DESI2: variants seen among roughly 807,000 people sequenced by gnomAD.
The protein encoded by DESI2 is deubiquitinase DESI2.
Under a neutral mutation model 24.1 loss-of-function variants are expected in DESI2, and 10 were observed. The ratio of observed to expected loss-of-function variants is 0.41; its 90% CI spans 0.26 to 0.70. The LOEUF is 0.70. Among genes scored for constraint, DESI2 ranks in the 30% least tolerant of loss-of-function variants. DESI2 has a pLI of 0.29. For synonymous variants in DESI2, 71 were observed against 87.7 expected, an observed-to-expected ratio of 0.81 and a Z score of 1.06; for missense variants, 122 against 234.9, an observed-to-expected ratio of 0.52 and a Z score of 3.14.
intron 2 of DESI2, 108 bp downstream of exon 2, chr1:244,686,777 T>C (rs1038290770): frequency 3.3e-5 from 21 of 640,324 alleles, no homozygotes; most frequent in African/African-American, 3.2e-4. Context: ...GCATATGTTA[T>C]TACAGAAAGT....
rs1573213226 is a variant in DESI2, at chr1:244,686,558, G to C, written c.43-39G>C. ...TGTAGCGCGGAGTTGGGTTGTAAAT[G>C]AACAGGTATTCTGAATCTTTTCTTT... On this transcript the variant is annotated intron_variant, in intron 1 of 4. Transcript: ENST00000302550. The C allele has an allele frequency of 5.2e-6, 7 of 1,351,134 alleles. No homozygotes were observed. The East Asian group carries it at 1.6e-4, about 31-fold the overall frequency. 83.7% of individuals were successfully genotyped at this position (1,351,134 alleles called of 1,614,324 possible). A position where few individuals can be genotyped will look rare whatever the true frequency, so the allele number is the denominator to read the frequency against.
chr1:244,685,711 AATTAAAG>A (rs1676794244), intron 1 of DESI2, among the ~76,000 whole-genome samples: 2 of 152,206 alleles, frequency 1.3e-5, no homozygotes, highest in Non-Finnish European at 2.9e-5. Flanking sequence ...AACCTAGAAC[AATTAAAG>A]ATAAATTATC....
chr1:244,683,436 T>C (rs982263719), intron 1 of DESI2, among the ~76,000 whole-genome samples: 13 of 151,896 alleles, frequency 8.6e-5, no homozygotes, highest in South Asian at 4.2e-4. Flanking sequence ...CTCAGCCTCC[T>C]GAGTAGCTGG....
intron 4 of DESI2, among the ~76,000 whole-genome samples, chr1:244,694,085 C>A (rs1677123440): frequency 6.6e-6 from 1 of 152,166 alleles, no homozygotes; most frequent in South Asian, 2.1e-4. Flanking sequence ...AAAATCATCA[C>A]TATATTAATA....
chr1:244,681,570 C>T (rs113055388), intron 1 of DESI2, among the ~76,000 whole-genome samples: 3 of 152,278 alleles, frequency 2.0e-5, no homozygotes, highest in South Asian at 2.1e-4. Flanking sequence ...TCATAAGGAA[C>T]GCACAACCTA....
intron 1 of DESI2, among the ~76,000 whole-genome samples, chr1:244,680,331 C>T (rs1676564466): frequency 6.6e-6 from 1 of 151,782 alleles, no homozygotes; most frequent in Admixed American, 6.6e-5. Context: ...CCCAGCTACT[C>T]AGGAAACTGA....
chr1:244,669,297 A>G (rs1676156138), intron 1 of DESI2, among the ~76,000 whole-genome samples: 1 of 151,846 alleles, frequency 6.6e-6, no homozygotes, highest in African/African-American at 2.4e-5. Flanking sequence ...GTGCCTGGCC[A>G]GAAAACCTGT....
In DESI2 at chr1:244,708,190, T is replaced by G. The variant is rs765422344; in HGVS notation, c.*2401T>G. 1 of 152,340 alleles carries G rather than the reference T, an allele frequency of 6.6e-6. No individual in the cohort carries two copies. The highest frequency in any genetic ancestry group is 2.4e-5 in the African/African-American group (1 of 41,456). 9.4% of individuals were successfully genotyped at this position (152,340 alleles called of 1,614,324 possible). On this transcript the variant is annotated 3_prime_UTR_variant, in exon 5 of 5. Transcript: ENST00000302550. ...AACAATCTGGTCATTAACATACATA[T>G]GATACGGAGTCTCTTTGTTGTCACC...
At chr1:244,703,642 T>C (rs1677568062) in intron 4 of DESI2, among the ~76,000 whole-genome samples, 1 of 148,482 alleles carries the variant, frequency 6.7e-6, no homozygotes, top group African/African-American at 2.5e-5. Flanking sequence ...TGAGCCACCA[T>C]GCCTGGCCTC....
intron 4 of DESI2, among the ~76,000 whole-genome samples, chr1:244,700,670 G>T (rs1677414818): frequency 6.6e-6 from 1 of 152,142 alleles, no homozygotes; most frequent in South Asian, 2.1e-4. Flanking sequence ...TCATAGTGAC[G>T]TTTCTACTAC....
intron 1 of DESI2, among the ~76,000 whole-genome samples, chr1:244,685,903 G>A (rs1288522009): frequency 2.0e-5 from 3 of 152,036 alleles, no homozygotes; most frequent in Admixed American, 2.0e-4. Context: ...TATAACCTAT[G>A]TACATCCTCT....
In DESI2 at chr1:244,706,676, G is replaced by C. The variant is rs1364120059; in HGVS notation, c.*887G>C. ...CTAAGTGGTAGCCTTCCAAGTAGCA[G>C]TGAGTTGACATTCAGCTGCTTTTAA... On this transcript the variant is annotated 3_prime_UTR_variant, in exon 5 of 5. Transcript: ENST00000302550. 2 of 152,634 alleles carry C rather than the reference G, an allele frequency of 1.3e-5. No homozygotes were observed. The highest frequency in any genetic ancestry group is 2.4e-5 in the African/African-American group (1 of 41,446). 9.5% of individuals were successfully genotyped at this position (152,634 alleles called of 1,614,324 possible). A position where few individuals can be genotyped will look rare whatever the true frequency, so the allele number is the denominator to read the frequency against.
chr1:244,682,054 A>G (rs1676632810), intron 1 of DESI2, among the ~76,000 whole-genome samples: 1 of 152,224 alleles, frequency 6.6e-6, no homozygotes, highest in Non-Finnish European at 1.5e-5. Flanking sequence ...ATGAAGCTGC[A>G]GACCCTTGTG....
At chr1:244,653,562 G>A in intron 1 of DESI2, 1 of 551,746 alleles carries the variant, frequency 1.8e-6, no homozygotes, top group South Asian at 2.6e-5. Context: ...TCAGCCCGAG[G>A]GTTTTGGCCA....
At chr1:244,676,858 TTTTC>T (rs1490468171) in intron 1 of DESI2, among the ~76,000 whole-genome samples, 27 of 148,342 alleles carry the variant, frequency 1.8e-4, no homozygotes, top group African/African-American at 6.6e-4. Context: ...TGTCCAGTGC[TTTTC>T]TTTGTCTATT....
chr1:244,653,379 C>T, intron 1 of DESI2, 24 bp downstream of exon 1: 1 of 1,542,704 alleles, frequency 6.5e-7, no homozygotes, highest in South Asian at 1.2e-5. Flanking sequence ...CTGGCGGCCC[C>T]GAGCCCTGGC....
chr1:244,678,030 C>T (rs762747429), intron 1 of DESI2, among the ~76,000 whole-genome samples: 2 of 152,186 alleles, frequency 1.3e-5, no homozygotes, highest in African/African-American at 4.8e-5. Flanking sequence ...ATTTTCCTAG[C>T]AACTTGTGGG....
intron 2 of DESI2, among the ~76,000 whole-genome samples, chr1:244,688,642 A>C (rs561719666): frequency 1.3e-5 from 2 of 152,294 alleles, no homozygotes; most frequent in African/African-American, 4.8e-5. Flanking sequence ...TTTGTATTGG[A>C]TGTACAGTCA....
At chr1:244,688,195 G>A (rs894687939) in intron 2 of DESI2, among the ~76,000 whole-genome samples, 1 of 152,116 alleles carries the variant, frequency 6.6e-6, no homozygotes, top group African/African-American at 2.4e-5. Context: ...GAAAATTAGT[G>A]ATTGCTTTTT....
Sources: gnomAD v4.1 joint callset for allele counts (sites outside exome capture counted in the v4.1 genomes callset) on GRCh38, gnomAD v4.1.1 for gene constraint, MANE v1.5 for transcripts, NCBI Gene and HGNC (gene_info 2026-07-23, HGNC 2026-07-21) for gene names.